Variants in NRG3 observed in about 807,000 individuals in gnomAD.
NRG3 encodes the protein pro-neuregulin-3, membrane-bound isoform.
A neutral mutation model predicts 66.9 loss-of-function variants in NRG3; 31 were observed. The ratio of observed to expected loss-of-function variants is 0.46; its 90% CI spans 0.35 to 0.63. NRG3 has a LOEUF of 0.63. Among genes scored for constraint, NRG3 ranks in the 20% least tolerant of loss-of-function variants. The pLI is 0.00. For synonymous variants in NRG3, 393 were observed against 359.4 expected (o/e 1.09, Z -1.06); for missense variants, 910 against 878.9 (o/e 1.04, Z -0.45).
intron 2 of NRG3, among the ~76,000 whole-genome samples, chr10:82,374,342 G>C (rs1165506184): frequency 1.3e-5 from 2 of 152,192 alleles, no homozygotes; most frequent in African/African-American, 4.8e-5. Context: ...CCAGTAGGTA[G>C]GAGGTCTGAT....
intron 1 of NRG3, among the ~76,000 whole-genome samples, chr10:82,221,445 C>T (rs1018895473): frequency 6.6e-6 from 1 of 152,084 alleles, no homozygotes; most frequent in South Asian, 2.1e-4. Flanking sequence ...ATCCTAGTGC[C>T]CAACTGGCTT....
chr10:82,750,709 G>T (rs1254087363), intron 3 of NRG3, among the ~76,000 whole-genome samples: 1 of 152,138 alleles, frequency 6.6e-6, no homozygotes, highest in African/African-American at 2.4e-5. Flanking sequence ...TAATCAATTT[G>T]TAAGAATTTG....
intron 6 of NRG3, among the ~76,000 whole-genome samples, chr10:82,969,048 A>G (rs896331061): frequency 3.9e-5 from 6 of 152,186 alleles, no homozygotes; most frequent in African/African-American, 1.4e-4. Flanking sequence ...TGATTCAATT[A>G]TCTCCCACCA....
intron 1 of NRG3, among the ~76,000 whole-genome samples, chr10:82,132,536 G>GAT (rs1181932473): frequency 6.1e-5 from 4 of 66,040 alleles, no homozygotes; most frequent in Non-Finnish European, 8.1e-5. Context: ...ATATATATAT[G>GAT]ATATATATAT....
At chr10:82,919,096 T>TGTGTGTGC (rs1198329719) in intron 4 of NRG3, among the ~76,000 whole-genome samples, 55 of 127,228 alleles carry the variant, frequency 4.3e-4, no homozygotes, top group African/African-American at 1.6e-3. Context: ...TGTGTGTGTG[T>TGTGTGTGC]GTGTATGTGT....
intron 2 of NRG3, among the ~76,000 whole-genome samples, chr10:82,710,178 C>T (rs1021250135): frequency 6.6e-6 from 1 of 152,166 alleles, no homozygotes; most frequent in Admixed American, 6.5e-5. Flanking sequence ...GGACATATAG[C>T]AAGAAATGGA....
intron 2 of NRG3, among the ~76,000 whole-genome samples, chr10:82,398,848 G>T (rs2086896326): frequency 6.6e-6 from 1 of 152,080 alleles, no homozygotes; most frequent in South Asian, 2.1e-4. Context: ...GAGGCAGAAG[G>T]AATCAGCTTG....
chr10:82,630,689 T>A (rs1199192002), intron 2 of NRG3, among the ~76,000 whole-genome samples: 1 of 151,986 alleles, frequency 6.6e-6, no homozygotes, highest in African/African-American at 2.4e-5. Context: ...AAAAAAAAAA[T>A]TAAGTTGAAA....
At chr10:82,072,936 G>A (rs2064889272) in intron 1 of NRG3, among the ~76,000 whole-genome samples, 1 of 151,802 alleles carries the variant, frequency 6.6e-6, no homozygotes, top group Admixed American at 6.6e-5. Context: ...CCAGTGACCA[G>A]TTAATTTTTT....
chr10:82,961,434 C>T (rs1388176905), intron 6 of NRG3, among the ~76,000 whole-genome samples: 1 of 152,122 alleles, frequency 6.6e-6, no homozygotes, highest in African/African-American at 2.4e-5. Context: ...TTAATTTATA[C>T]CCACAATGTG....
intron 2 of NRG3, among the ~76,000 whole-genome samples, chr10:82,480,170 AG>A (rs1271677276): frequency 6.6e-6 from 1 of 152,234 alleles, no homozygotes; most frequent in East Asian, 1.9e-4. Flanking sequence ...TAGGACACAA[AG>A]TAGATTAGTG....
Position 82,213,232 on chromosome 10 carries a change from A to T in NRG3, c.824-145507A>T, listed in dbSNP as rs575194964. ...ATTTCTAATACGGGTTTATTTGAGG[A>T]GTAGAAAAGAATAAAATACAGGTTG... On this transcript the variant is annotated intron_variant, in intron 1 of 8. Coordinates refer to ENST00000372141, the MANE Select transcript of NRG3 (RefSeq NM_001010848.4). Among the ~76,000 whole-genome samples, 21 of 152,320 alleles carry T rather than the reference A, an allele frequency of 1.4e-4. No homozygotes were observed. In the East Asian group the frequency reaches 4.0e-3, roughly 29 times the overall value.
chr10:82,875,993 A>C (rs1841786388), intron 4 of NRG3, among the ~76,000 whole-genome samples: 1 of 152,212 alleles, frequency 6.6e-6, no homozygotes, highest in South Asian at 2.1e-4. Flanking sequence ...TACAACCAAA[A>C]GATGTATTGA....
At chr10:82,195,265 T>C (rs1057090790) in intron 1 of NRG3, among the ~76,000 whole-genome samples, 7 of 152,200 alleles carry the variant, frequency 4.6e-5, no homozygotes, top group Admixed American at 2.0e-4. Flanking sequence ...AAAATCCTTG[T>C]TCATGTTTCC....
chr10:82,892,771 G>A (rs896285194), intron 4 of NRG3, among the ~76,000 whole-genome samples: 1 of 151,090 alleles, frequency 6.6e-6, no homozygotes, highest in Non-Finnish European at 1.5e-5. Context: ...TACATACCAG[G>A]CAAACAATAA....
At chr10:82,048,263 C>A (rs1215864331) in intron 1 of NRG3, among the ~76,000 whole-genome samples, 1 of 152,068 alleles carries the variant, frequency 6.6e-6, no homozygotes, top group Non-Finnish European at 1.5e-5. Context: ...TAGACATCTA[C>A]AGAACTCTCC....
intron 2 of NRG3, among the ~76,000 whole-genome samples, chr10:82,635,692 T>C (rs1053548689): frequency 3.3e-5 from 5 of 152,170 alleles, no homozygotes; most frequent in Non-Finnish European, 7.3e-5. Flanking sequence ...GTATTACTTG[T>C]AGTGCACCAA....
chr10:82,906,299 G>A (rs1278950872), intron 4 of NRG3, among the ~76,000 whole-genome samples: 1 of 152,112 alleles, frequency 6.6e-6, no homozygotes, highest in Admixed American at 6.6e-5. Context: ...GGCTTCACAC[G>A]TCGTATCATA....
chr10:82,956,543 A>G (rs1480617800), intron 5 of NRG3, among the ~76,000 whole-genome samples: 1 of 151,984 alleles, frequency 6.6e-6, no homozygotes, highest in Non-Finnish European at 1.5e-5. Context: ...AGCAAATTAT[A>G]AAAGGATTTA....
Sources: allele counts gnomAD v4.1 joint callset (sites outside exome capture counted in the v4.1 genomes callset), GRCh38; gene constraint gnomAD v4.1.1; transcripts MANE v1.5; gene names NCBI Gene and HGNC (gene_info 2026-07-23, HGNC 2026-07-21).